Variants in CADPS2 observed in about 807,000 individuals in gnomAD.
The protein encoded by CADPS2 is calcium dependent secretion activator 2, also known as calcium-dependent secretion activator 2.
Under a neutral mutation model 172.5 loss-of-function variants are expected in CADPS2, and 93 were observed. That is an observed-to-expected ratio of 0.54 (90% CI 0.46 to 0.64). The LOEUF (loss-of-function observed/expected upper bound fraction) is 0.64, where lower values mean the gene tolerates loss of function less well. Ranked by LOEUF, CADPS2 falls within the 30% of genes least tolerant of loss-of-function variation. CADPS2 has a pLI of 0.00. For synonymous variants in CADPS2, 546 were observed against 555.2 expected, an observed-to-expected ratio of 0.98 and a Z score of 0.23; for missense variants, 1,420 against 1,565.9, an observed-to-expected ratio of 0.91 and a Z score of 1.57.
intron 1 of CADPS2, among the ~76,000 whole-genome samples, chr7:122,775,471 C>A (rs1254227481): frequency 6.6e-6 from 1 of 152,134 alleles, no homozygotes; most frequent in Non-Finnish European, 1.5e-5. Context: ...AAACTCAGAG[C>A]CCAGGAAATA....
At chr7:122,731,706 G>T (rs914855793) in intron 2 of CADPS2, among the ~76,000 whole-genome samples, 1 of 151,470 alleles carries the variant, frequency 6.6e-6, no homozygotes, top group Non-Finnish European at 1.5e-5. Flanking sequence ...CAAAAAAGAT[G>T]AAAGTGCAGC....
In CADPS2 at chr7:122,393,705, G is replaced by C. The variant is rs953616888; in HGVS notation, c.2747-123C>G. 5.2e-6 allele frequency: 5 copies of C among 959,126 alleles called. No individual in the cohort carries two copies. In the African/African-American group the frequency reaches 8.3e-5, roughly 16 times the overall value. 59.4% of individuals were successfully genotyped at this position (959,126 alleles called of 1,614,324 possible). ...ACAGAAGAACTGATAAAATGCAGAT[G>C]AGAGTAGATCATACCCCCCATATTG... On this transcript the variant is annotated intron_variant, in intron 20 of 29. Coordinates refer to ENST00000449022, the MANE Select transcript of CADPS2 (RefSeq NM_017954.11).
chr7:122,385,082 C>G (rs1453218537), intron 24 of CADPS2, among the ~76,000 whole-genome samples: 4 of 151,878 alleles, frequency 2.6e-5, no homozygotes, highest in Non-Finnish European at 5.9e-5. Context: ...TATTCTCAGG[C>G]AGACAATCAA....
intron 20 of CADPS2, among the ~76,000 whole-genome samples, chr7:122,397,734 T>C (rs923680872): frequency 6.6e-6 from 1 of 152,134 alleles, no homozygotes; most frequent in South Asian, 2.1e-4. Flanking sequence ...GGATAGGTTA[T>C]GATTTGGGGC....
intron 16 of CADPS2, 49 bp from the exon 17 acceptor site, chr7:122,438,513 A>G (rs2050947908): frequency 6.3e-7 from 1 of 1,593,070 alleles, no homozygotes; most frequent in Non-Finnish European, 8.6e-7. Flanking sequence ...GGGGATAGAC[A>G]GATGGAAGAA....
intron 2 of CADPS2, among the ~76,000 whole-genome samples, 200 bp from the exon 3 acceptor site, chr7:122,663,769 T>C (rs2080870763): frequency 1.3e-5 from 2 of 152,214 alleles, no homozygotes; most frequent in Admixed American, 6.5e-5. Flanking sequence ...TTTTAAAATG[T>C]GTAGGAGACA....
At chr7:122,339,436 C>G (rs1026687355) in intron 28 of CADPS2, among the ~76,000 whole-genome samples, 2 of 152,160 alleles carry the variant, frequency 1.3e-5, no homozygotes, top group Admixed American at 1.3e-4. Context: ...TTAATGGTCA[C>G]TCTTATCCAT....
intron 22 of CADPS2, among the ~76,000 whole-genome samples, chr7:122,392,345 T>G (rs962555165): frequency 1.3e-5 from 2 of 151,910 alleles, no homozygotes; most frequent in East Asian, 3.9e-4. Context: ...GATATGCCAA[T>G]AGTACTAATA....
chr7:122,479,545 T>C (rs1489274577), intron 12 of CADPS2, among the ~76,000 whole-genome samples: 1 of 152,222 alleles, frequency 6.6e-6, no homozygotes, highest in Non-Finnish European at 1.5e-5. Flanking sequence ...ACCTTTATTA[T>C]TGACCAAATA....
At chr7:122,742,303 G>A (rs866739632) in intron 1 of CADPS2, among the ~76,000 whole-genome samples, 4 of 151,902 alleles carry the variant, frequency 2.6e-5, no homozygotes, top group Non-Finnish European at 5.9e-5. Flanking sequence ...GCTGAGGCAG[G>A]AGAATCGCTT....
chr7:122,786,971 T>A (rs989137692), intron 1 of CADPS2, among the ~76,000 whole-genome samples: 1 of 152,148 alleles, frequency 6.6e-6, no homozygotes, highest in African/African-American at 2.4e-5. Flanking sequence ...TCCTCAGTGC[T>A]AGAAAATGCC....
chr7:122,357,628 T>G (rs2039581129), intron 27 of CADPS2, among the ~76,000 whole-genome samples: 1 of 152,160 alleles, frequency 6.6e-6, no homozygotes, highest in Non-Finnish European at 1.5e-5. Context: ...CCCCTGTATT[T>G]GAACAATTCA....
intron 2 of CADPS2, among the ~76,000 whole-genome samples, chr7:122,730,701 C>T (rs2091555038): frequency 6.6e-6 from 1 of 151,612 alleles, no homozygotes; most frequent in African/African-American, 2.4e-5. Context: ...GTTGCTATAG[C>T]TATTGAAATT....
chr7:122,650,900 T>C (rs1401349188), intron 3 of CADPS2, among the ~76,000 whole-genome samples: 1 of 143,908 alleles, frequency 6.9e-6, no homozygotes, highest in Non-Finnish European at 1.5e-5. Context: ...CATATATAAA[T>C]ATTATGGCCA....
chr7:122,352,831 C>T (rs948383856), intron 27 of CADPS2, among the ~76,000 whole-genome samples: 6 of 152,164 alleles, frequency 3.9e-5, no homozygotes, highest in African/African-American at 1.4e-4. Context: ...GTGTACTATT[C>T]TAAAAGGGAA....
chr7:122,528,110 AGTGGTG>A (rs71159802), intron 8 of CADPS2, among the ~76,000 whole-genome samples: 3,430 of 130,040 alleles, frequency 0.026, 130 homozygotes, highest in African/African-American at 0.083. Context: ...TGAAGGCATT[AGTGGTG>A]GTGGTGGTGG....
intron 14 of CADPS2, among the ~76,000 whole-genome samples, chr7:122,455,311 C>A (rs1166629052): frequency 6.6e-6 from 1 of 152,134 alleles, no homozygotes; most frequent in Non-Finnish European, 1.5e-5. Flanking sequence ...TCTCTACTTA[C>A]ATGACTCAGC....
chr7:122,500,026 T>C (rs1253968070), intron 9 of CADPS2, among the ~76,000 whole-genome samples: 1 of 152,146 alleles, frequency 6.6e-6, no homozygotes, highest in African/African-American at 2.4e-5. Flanking sequence ...AGCTGCAATC[T>C]ATAGCTACCG....
intron 29 of CADPS2, among the ~76,000 whole-genome samples, chr7:122,324,324 T>A (rs2033353690): frequency 6.6e-6 from 1 of 152,144 alleles, no homozygotes; most frequent in African/African-American, 2.4e-5. Flanking sequence ...TAATTTGTAT[T>A]CTAATTAGAC....
Sources: gnomAD v4.1 joint callset for allele counts (sites outside exome capture counted in the v4.1 genomes callset) on GRCh38, gnomAD v4.1.1 for gene constraint, MANE v1.5 for transcripts, NCBI Gene and HGNC (gene_info 2026-07-23, HGNC 2026-07-21) for gene names.